Variants in RNF115 observed in about 807,000 individuals in gnomAD.
RNF115 encodes the protein ring finger protein 115.
A neutral mutation model predicts 39.2 loss-of-function variants in RNF115; 31 were observed. The ratio of observed to expected loss-of-function variants is 0.79; its 90% confidence interval spans 0.59 to 1.07. RNF115 has a LOEUF of 1.07. Among genes scored for constraint, RNF115 ranks in the 50% least tolerant of loss-of-function variants. The pLI is 0.00. For synonymous variants in RNF115, 124 were observed against 131.0 expected, an observed-to-expected ratio of 0.95 and a Z score of 0.37; for missense variants, 384 against 381.7, an observed-to-expected ratio of 1.01 and a Z score of -0.05.
rs1571697136 is a variant in RNF115, at chr1:145,743,829, AT to A, written c.*3036del. The A allele has an allele frequency of 1.7e-4, 25 of 150,622 alleles. No individual in the cohort carries two copies. The highest frequency in any genetic ancestry group is 1.2e-4 in the Non-Finnish European group (8 of 67,728). 9.3% of individuals were successfully genotyped at this position (150,622 alleles called of 1,614,324 possible). A position where few individuals can be genotyped will look rare whatever the true frequency, so the allele number is the denominator to read the frequency against. On this transcript the variant is annotated 3_prime_UTR_variant, in exon 9 of 9. Coordinates refer to ENST00000582693, the MANE Select transcript of RNF115 (RefSeq NM_014455.4). ...AAATAAATAAATAATAATAATAATA[AT>A]AATAAATCCCTGAAGAATCCTAACT...
chr1:145,750,532 G>A (rs1658039996), intron 6 of RNF115, 32 bp from the exon 7 acceptor site: 1 of 1,544,186 alleles, frequency 6.5e-7, no homozygotes, highest in African/African-American at 1.4e-5. Context: ...AAGACGAAGT[G>A]GCAGACATCG....
rs1553715783 is a variant in RNF115, at chr1:145,771,716, A to C, written c.423T>G (p.Ile141Met). 6.2e-7 allele frequency: 1 copy of C among 1,613,220 alleles called. No homozygotes were observed. Among genetic ancestry groups the C allele is most frequent in the Admixed American group, 1.7e-5 (1 of 59,898 alleles). ...GSSRPDRSPA[I>M]EGILQHIFAG... is the part of the protein sequence containing the mutation. The stretch of plus-strand genomic sequence containing the variant: ...CTTAAAATAAAACAACTCACCCTTC[A>C]ATAGCTGGAGATCTGTCAGGACGAG... The change falls in exon 4 of 9, where the codon ATT (isoleucine) becomes ATG (methionine). Residue 141 changes from isoleucine to methionine, a missense_variant. Transcript: ENST00000582693.
intron 3 of RNF115, among the ~76,000 whole-genome samples, chr1:145,777,665 A>C (rs1320473600): frequency 6.6e-6 from 1 of 152,208 alleles, no homozygotes; most frequent in African/African-American, 2.4e-5. Flanking sequence ...CACAGCTTAC[A>C]TAAGTAAAAA....
intron 2 of RNF115, among the ~76,000 whole-genome samples, chr1:145,786,449 T>C (rs1648383620): frequency 1.3e-5 from 2 of 152,142 alleles, no homozygotes; most frequent in African/African-American, 2.4e-5. Context: ...AAAACACTAA[T>C]CTCTTTCAAA....
intron 1 of RNF115, among the ~76,000 whole-genome samples, chr1:145,795,084 G>A (rs1199543515): frequency 6.6e-6 from 1 of 151,836 alleles, no homozygotes; most frequent in East Asian, 1.9e-4. Context: ...GATGTGTCTG[G>A]GGTTTCTTCA....
At chr1:145,794,173 G>T (rs1223660273) in intron 1 of RNF115, among the ~76,000 whole-genome samples, 7 of 152,086 alleles carry the variant, frequency 4.6e-5, no homozygotes, top group African/African-American at 1.7e-4. Context: ...GTCGTGTCCT[G>T]CTTCTCTTTT....
At chr1:145,798,635 T>G (rs1553720430) in intron 1 of RNF115, among the ~76,000 whole-genome samples, 1 of 152,220 alleles carries the variant, frequency 6.6e-6, no homozygotes, top group African/African-American at 2.4e-5. Flanking sequence ...AAAACTGTTC[T>G]GGCTATTAGG....
chr1:145,802,152 G>C (rs1398436007), intron 1 of RNF115, among the ~76,000 whole-genome samples: 1 of 152,072 alleles, frequency 6.6e-6, no homozygotes, highest in Non-Finnish European at 1.5e-5. Context: ...TACTTACCTA[G>C]AATCACTGGA....
chr1:145,822,602 C>G lies in RNF115; in HGVS notation c.102+1170G>C, dbSNP rs1247641881. Among the ~76,000 whole-genome samples the G allele has an allele frequency of 3.3e-5, 5 of 149,902 alleles. No homozygotes were observed. The East Asian group carries it at 9.8e-4, about 29-fold the overall frequency. ...ATTATGTTGCCACTCTATCACAAGA[C>G]TGAACCTGGACACTTGTAAGGAAAG... On this transcript the variant is annotated intron_variant, in intron 1 of 8. Coordinates refer to ENST00000582693, the MANE Select transcript of RNF115 (RefSeq NM_014455.4).
chr1:145,771,923 G>A lies in RNF115; in HGVS notation c.220-4C>T, dbSNP rs782216507. 1 of 1,610,540 alleles carries A rather than the reference G, an allele frequency of 6.2e-7. No individual in the cohort carries two copies. The highest frequency in any genetic ancestry group is 2.2e-5 in the East Asian group (1 of 44,862). ...TGTGATCCAAATGGCCCCAAAGCTAGTAAAGACCAGAAATAAGTCACATGT... is the reference window on the plus strand; with the variant it reads ...TGTGATCCAAATGGCCCCAAAGCTAATAAAGACCAGAAATAAGTCACATGT... On this transcript the variant is annotated splice_region_variant and splice_polypyrimidine_tract_variant and intron_variant, in intron 3 of 8. Coordinates refer to ENST00000582693, the MANE Select transcript of RNF115 (RefSeq NM_014455.4).
intron 1 of RNF115, among the ~76,000 whole-genome samples, chr1:145,817,508 A>C (rs1553723762): frequency 6.9e-6 from 1 of 145,580 alleles, no homozygotes; most frequent in Non-Finnish European, 1.5e-5. Flanking sequence ...ATTTATCCAT[A>C]TCTGATTTTA....
chr1:145,766,946 A>AC (rs1197890578), intron 4 of RNF115, among the ~76,000 whole-genome samples: 5 of 98,090 alleles, frequency 5.1e-5, no homozygotes, highest in African/African-American at 9.4e-5. Flanking sequence ...GGCTGACCTG[A>AC]CCCCCCCACC....
intron 4 of RNF115, among the ~76,000 whole-genome samples, chr1:145,758,870 A>G (rs1571715294): frequency 6.6e-6 from 1 of 152,366 alleles, no homozygotes; most frequent in East Asian, 1.9e-4. Flanking sequence ...AATAGTTGAC[A>G]GAGTATTTAC....
intron 4 of RNF115, among the ~76,000 whole-genome samples, chr1:145,767,757 G>A (rs1262504727): frequency 2.6e-5 from 4 of 152,256 alleles, no homozygotes; most frequent in Admixed American, 2.0e-4. Flanking sequence ...GATCACTCGC[G>A]GTTAGCAGCT....
chr1:145,773,488 A>C (rs1264022849), intron 3 of RNF115: 2 of 152,144 alleles, frequency 1.3e-5, no homozygotes, highest in Non-Finnish European at 2.9e-5. Flanking sequence ...AGAAAGAAAA[A>C]GAAAAGTAAA....
At chr1:145,787,187 G>T in intron 2 of RNF115, 2 of 441,534 alleles carry the variant, frequency 4.5e-6, no homozygotes, top group Non-Finnish European at 8.6e-6. Context: ...ATTTTCAGAC[G>T]AATGTTTAAC....
At chr1:145,784,393 T>C in intron 3 of RNF115, 146 bp downstream of exon 3, 2 of 698,398 alleles carry the variant, frequency 2.9e-6, no homozygotes, top group South Asian at 3.7e-5. Flanking sequence ...AAAACACAAA[T>C]CTTCCCAAGG....
chr1:145,800,173 G>A (rs1261470757), intron 1 of RNF115, among the ~76,000 whole-genome samples: 5 of 152,082 alleles, frequency 3.3e-5, no homozygotes, highest in South Asian at 2.1e-4. Flanking sequence ...GCAAACTTGC[G>A]GCCATTTAAA....
At chr1:145,790,298 G>A (rs1000538267) in intron 1 of RNF115, among the ~76,000 whole-genome samples, 7 of 151,204 alleles carry the variant, frequency 4.6e-5, no homozygotes, top group Admixed American at 6.6e-5. Context: ...GCAACACCAC[G>A]CCTGGCTAAT....
Sources: allele counts gnomAD v4.1 joint callset (sites outside exome capture counted in the v4.1 genomes callset), GRCh38; gene constraint gnomAD v4.1.1; transcripts MANE v1.5; gene names NCBI Gene and HGNC (gene_info 2026-07-23, HGNC 2026-07-21).